The following KCNG2 variants were observed in gnomAD, a reference collection of about 807,000 sequenced individuals.
KCNG2 encodes potassium voltage-gated channel modifier subfamily G member 2.
In KCNG2, 7 loss-of-function variants were observed where a neutral mutation model predicts 12.3. The observed-to-expected ratio is 0.57, with a 90% confidence interval of 0.32 to 1.07. KCNG2 has a LOEUF of 1.07. KCNG2 is among the 50% of genes least tolerant of loss of function. KCNG2 has a pLI of 0.04. For missense variants in KCNG2, 703 were observed against 726.0 expected, an observed-to-expected ratio of 0.97 and a Z score of 0.36; for synonymous variants, 414 against 351.4, an observed-to-expected ratio of 1.18 and a Z score of -1.99.
chr18:79,870,339 T>C (rs1285098411), intron 3 of KCNG2, among the ~76,000 whole-genome samples: 1 of 152,106 alleles, frequency 6.6e-6, no homozygotes, highest in Non-Finnish European at 1.5e-5. Flanking sequence ...TGACGTGGTG[T>C]GGTTTTGGGG....
At chr18:79,799,979 G>C (rs1274398338) in intron 1 of KCNG2, among the ~76,000 whole-genome samples, 1 of 152,234 alleles carries the variant, frequency 6.6e-6, no homozygotes, top group East Asian at 1.9e-4. Context: ...GCAGGTGCTT[G>C]GGTTCTGAAT....
chr18:79,873,434 C>CCG (rs1215890496), intron 3 of KCNG2, among the ~76,000 whole-genome samples: 6 of 145,082 alleles, frequency 4.1e-5, no homozygotes, highest in Non-Finnish European at 7.7e-5. Flanking sequence ...CCTCCCCCCC[C>CCG]CCCAGCCACC....
At chr18:79,883,201 C>T (rs968231226) in intron 3 of KCNG2, among the ~76,000 whole-genome samples, 2 of 145,718 alleles carry the variant, frequency 1.4e-5, no homozygotes, top group Non-Finnish European at 3.0e-5. Flanking sequence ...GCTGCGATCC[C>T]GTCTATGGGA....
chr18:79,888,655 T>C (rs1980637591), intron 3 of KCNG2, among the ~76,000 whole-genome samples: 1 of 152,206 alleles, frequency 6.6e-6, no homozygotes, highest in Admixed American at 6.5e-5. Flanking sequence ...TCCTGACAGT[T>C]GAGAGCTCTT....
chr18:79,860,713 T>A (rs1379868035), intron 2 of KCNG2, among the ~76,000 whole-genome samples: 3 of 152,050 alleles, frequency 2.0e-5, no homozygotes, highest in Non-Finnish European at 4.4e-5. Context: ...GCGTGTGTGT[T>A]CTTTAAGGTT....
At chr18:79,802,820 T>G (rs939378765) in intron 1 of KCNG2, among the ~76,000 whole-genome samples, 1 of 152,234 alleles carries the variant, frequency 6.6e-6, no homozygotes, top group African/African-American at 2.4e-5. Flanking sequence ...TCGGTACATT[T>G]TATTTAACAT....
intron 3 of KCNG2, among the ~76,000 whole-genome samples, chr18:79,868,827 C>T (rs1169483045): frequency 1.3e-5 from 2 of 152,252 alleles, no homozygotes; most frequent in East Asian, 3.9e-4. Context: ...CCATCCCAGG[C>T]CAGCTGCTGA....
At chr18:79,814,463 A>T (rs143003472) in intron 1 of KCNG2, among the ~76,000 whole-genome samples, 3 of 152,368 alleles carry the variant, frequency 2.0e-5, no homozygotes, top group African/African-American at 7.2e-5. Context: ...CCAGGGAATT[A>T]TGCTGTGTGA....
chr18:79,840,677 C>T (rs1156585390), intron 1 of KCNG2, among the ~76,000 whole-genome samples: 1 of 152,078 alleles, frequency 6.6e-6, no homozygotes, highest in Non-Finnish European at 1.5e-5. Context: ...ATCCATCCAC[C>T]TGATTTCAAG....
intron 3 of KCNG2, among the ~76,000 whole-genome samples, chr18:79,895,594 C>T (rs949646806): frequency 9.5e-5 from 14 of 146,854 alleles, no homozygotes; most frequent in East Asian, 2.0e-4. Context: ...TGCTTTTGAT[C>T]GGGTTCTTCA....
In KCNG2 at chr18:79,810,482, A is replaced by G. The variant is rs532137589; in HGVS notation, c.-115+12468A>G. On this transcript the variant is annotated intron_variant, in intron 1 of 3. Coordinates refer to ENST00000316249, the MANE Select transcript of KCNG2 (RefSeq NM_012283.2). The stretch of plus-strand genomic sequence containing the variant: ...GGAAACGTAGAAATCAAAAATTAAA[A>G]AACAAAGTAGCCAGATGCAGTGGCT... Among the ~76,000 whole-genome samples the G allele has an allele frequency of 2.6e-5, 4 of 152,332 alleles. No homozygotes were observed. In the East Asian group the frequency reaches 7.7e-4, roughly 29 times the overall value.
At chr18:79,857,270 G>A (rs548378995) in intron 2 of KCNG2, among the ~76,000 whole-genome samples, 4 of 145,250 alleles carry the variant, frequency 2.8e-5, no homozygotes, top group East Asian at 4.3e-4. Flanking sequence ...CTCATGCAGC[G>A]AACTTGGCGC....
chr18:79,798,037 GCCGGGGGTGGGGGGT>G (rs1165767611), intron 1 of KCNG2, among the ~76,000 whole-genome samples, 23 bp downstream of exon 1: 1 of 144,818 alleles, frequency 6.9e-6, no homozygotes, highest in Non-Finnish European at 1.5e-5. Flanking sequence ...GCGCCGTGGG[GCCGGGGGTGGGGGGT>G]CCGCGGCGAA....
intron 1 of KCNG2, among the ~76,000 whole-genome samples, chr18:79,801,775 G>A (rs1224196410): frequency 1.3e-5 from 2 of 152,226 alleles, no homozygotes; most frequent in African/African-American, 2.4e-5. Flanking sequence ...AGGCTGTGTG[G>A]TCCTAGTTGT....
chr18:79,830,258 G>A (rs896986168), intron 1 of KCNG2, among the ~76,000 whole-genome samples: 2 of 152,158 alleles, frequency 1.3e-5, no homozygotes, highest in African/African-American at 2.4e-5. Context: ...AAAGCAGAAC[G>A]TGACGTGTTG....
intron 1 of KCNG2, among the ~76,000 whole-genome samples, chr18:79,833,407 C>T (rs909597372): frequency 2.6e-5 from 4 of 152,190 alleles, no homozygotes; most frequent in Admixed American, 6.5e-5. Context: ...TCCCAACGTG[C>T]TGGGATTATG....
intron 1 of KCNG2, among the ~76,000 whole-genome samples, chr18:79,829,131 T>C (rs1978289263): frequency 6.8e-6 from 1 of 146,044 alleles, no homozygotes; most frequent in Non-Finnish European, 1.5e-5. Flanking sequence ...TGTGTGCATG[T>C]GTCTGTGTGT....
intron 1 of KCNG2, among the ~76,000 whole-genome samples, chr18:79,839,486 C>T (rs1978396709): frequency 1.3e-5 from 2 of 152,178 alleles, no homozygotes; most frequent in Admixed American, 6.5e-5. Flanking sequence ...GGACCGATTC[C>T]TTGGAAAATA....
chr18:79,812,926 G>C (rs2087502782), intron 1 of KCNG2, among the ~76,000 whole-genome samples: 1 of 152,174 alleles, frequency 6.6e-6, no homozygotes, highest in South Asian at 2.1e-4. Flanking sequence ...GGGAGGCCAA[G>C]GAGGGCGGAT....
Sources: allele counts gnomAD v4.1 joint callset (sites outside exome capture counted in the v4.1 genomes callset), GRCh38; gene constraint gnomAD v4.1.1; transcripts MANE v1.5; gene names NCBI Gene and HGNC (gene_info 2026-07-23, HGNC 2026-07-21).